Variants in INPP4B observed in about 807,000 individuals in gnomAD.
INPP4B encodes the protein inositol polyphosphate 4-phosphatase type II.
INPP4B carries 55 observed loss-of-function variants against 122.5 expected under a neutral mutation model. The observed-to-expected ratio is 0.45, with a 90% CI of 0.36 to 0.56. The LOEUF is 0.56. INPP4B is among the 20% of genes least tolerant of loss of function. The pLI, the probability that INPP4B is intolerant of heterozygous loss-of-function variation, is 0.00. For synonymous variants in INPP4B, 403 were observed against 388.7 expected, an observed-to-expected ratio of 1.04 and a Z score of -0.43; for missense variants, 1,000 against 1,097.7, an observed-to-expected ratio of 0.91 and a Z score of 1.26.
chr4:142,104,528 T>G (rs979017292), intron 23 of INPP4B, among the ~76,000 whole-genome samples: 7 of 152,168 alleles, frequency 4.6e-5, no homozygotes, highest in African/African-American at 1.2e-4. Context: ...AAGTAACTTC[T>G]GAAGATTTCT....
intron 2 of INPP4B, among the ~76,000 whole-genome samples, chr4:142,590,371 A>G (rs1262790615): frequency 6.6e-6 from 1 of 152,242 alleles, no homozygotes; most frequent in Non-Finnish European, 1.5e-5. Flanking sequence ...TGGTAGGACA[A>G]GGTATTGACC....
chr4:142,527,205 CCAT>C (rs1478370320), intron 2 of INPP4B, among the ~76,000 whole-genome samples: 4 of 150,760 alleles, frequency 2.7e-5, no homozygotes, highest in African/African-American at 9.7e-5. Context: ...TCTAAATTCC[CCAT>C]CATAAGTAAT....
At chr4:142,123,163 G>A in intron 20 of INPP4B, 129 bp downstream of exon 20, 2 of 742,296 alleles carry the variant, frequency 2.7e-6, no homozygotes, top group Non-Finnish European at 4.0e-6. Context: ...AAAACTGAAA[G>A]TTATATTATT....
At chr4:142,560,960 T>A (rs1309027390) in intron 2 of INPP4B, among the ~76,000 whole-genome samples, 1 of 152,218 alleles carries the variant, frequency 6.6e-6, no homozygotes, top group African/African-American at 2.4e-5. Context: ...GTTGATAAAA[T>A]CTTGACTGTC....
At chr4:142,404,836 A>G (rs1802813789) in intron 6 of INPP4B, among the ~76,000 whole-genome samples, 1 of 152,020 alleles carries the variant, frequency 6.6e-6, no homozygotes, top group Non-Finnish European at 1.5e-5. Flanking sequence ...ATTTATTTCA[A>G]TTTAAAGTCT....
chr4:142,452,258 G>C (rs1288732424), intron 3 of INPP4B, among the ~76,000 whole-genome samples: 1 of 152,134 alleles, frequency 6.6e-6, no homozygotes, highest in East Asian at 1.9e-4. Flanking sequence ...CCTTAATTGT[G>C]ATAACTCAAA....
rs201806495 is a variant in INPP4B at position 142,028,764 on chromosome 4, A to T, written c.*18T>A. 6.2e-6 allele frequency: 10 copies of T among 1,601,596 alleles called. No homozygotes were observed. The highest frequency in any genetic ancestry group is 8.5e-6 in the Non-Finnish European group (10 of 1,176,062). ...CTGAAATGTATTTGTGTTCCTGTTT[A>T]TTAACATGTTGGTAAACTTAGGTGT... On this transcript the variant is annotated 3_prime_UTR_variant, in exon 26 of 26. Transcript: ENST00000262992.
At chr4:142,409,408 G>C (rs749361618) in intron 5 of INPP4B, among the ~76,000 whole-genome samples, 1 of 152,054 alleles carries the variant, frequency 6.6e-6, no homozygotes, top group African/African-American at 2.4e-5. Flanking sequence ...TGGGAGAGTC[G>C]CTTGAACCCG....
Position 142,157,836 on chromosome 4 carries a change from C to T in INPP4B, c.1563+2522G>A, listed in dbSNP as rs376227998. On this transcript the variant is annotated intron_variant, in intron 17 of 25. Transcript: ENST00000262992. ...AGCTCAAGTACTCATTTCTTCGGTG[C>T]CTATTTGAAACCTTCACCACTCCCT... Among the ~76,000 whole-genome samples, 6 of 152,150 alleles carry T rather than the reference C, an allele frequency of 3.9e-5. No individual in the cohort carries two copies. The East Asian group carries it at 5.8e-4, about 15-fold the overall frequency.
chr4:142,743,891 A>G lies in INPP4B; in HGVS notation c.-253-17990T>C, dbSNP rs1448870091. 3.3e-5 allele frequency among the ~76,000 whole-genome samples: 5 copies of G among 152,032 alleles called. 1 individual carries two copies. The Admixed American group carries it at 3.3e-4, about 10-fold the overall frequency. ...TCTACTAAACGTTTTTACCATGTAT[A>G]ACTACTTATATTACCAGATTACTAG... On this transcript the variant is annotated intron_variant, in intron 1 of 25. Transcript: ENST00000262992.
intron 2 of INPP4B, among the ~76,000 whole-genome samples, chr4:142,603,731 CA>C (rs746684472): frequency 5.4e-4 from 82 of 151,866 alleles, no homozygotes; most frequent in Admixed American, 9.8e-4. Context: ...AAAAAGTCTC[CA>C]AAGAAAGAGA....
chr4:142,212,120 C>A (rs571365760), intron 12 of INPP4B, among the ~76,000 whole-genome samples: 1 of 152,210 alleles, frequency 6.6e-6, no homozygotes, highest in East Asian at 1.9e-4. Context: ...ACCCCGTGTA[C>A]AACTCAGATG....
intron 25 of INPP4B, among the ~76,000 whole-genome samples, chr4:142,073,796 C>A (rs1030803966): frequency 6.6e-6 from 1 of 152,026 alleles, no homozygotes; most frequent in African/African-American, 2.4e-5. Context: ...TAGGTTTTGG[C>A]ATAACTGCTC....
At chr4:142,477,313 T>C (rs1580165553) in intron 2 of INPP4B, among the ~76,000 whole-genome samples, 1 of 152,086 alleles carries the variant, frequency 6.6e-6, no homozygotes, top group Non-Finnish European at 1.5e-5. Flanking sequence ...AAGAGGGAAT[T>C]TGATAGTGCT....
intron 7 of INPP4B, among the ~76,000 whole-genome samples, chr4:142,361,549 G>C (rs1290391597): frequency 1.3e-5 from 2 of 151,800 alleles, no homozygotes; most frequent in Admixed American, 6.6e-5. Flanking sequence ...ATATGCTAAG[G>C]GCCTTCTTTC....
rs553508379 is a variant in INPP4B, at chr4:142,355,191, T to G, written c.373-40429A>C. Among the ~76,000 whole-genome samples, 31 of 152,158 alleles carry G rather than the reference T, an allele frequency of 2.0e-4. No homozygotes were observed. The Middle Eastern group carries it at 0.01, about 50-fold the overall frequency. Reference sequence around the variant, plus strand: ...AAGTTCAGAAGCCACATTATATCACTTCTGTTGCATTCTATCAAAGCAAGT... The same window carrying G: ...AAGTTCAGAAGCCACATTATATCACGTCTGTTGCATTCTATCAAAGCAAGT... On this transcript the variant is annotated intron_variant, in intron 7 of 25. Transcript: ENST00000262992.
intron 1 of INPP4B, among the ~76,000 whole-genome samples, chr4:142,822,299 A>C (rs551677586): frequency 6.6e-6 from 1 of 152,308 alleles, no homozygotes; most frequent in East Asian, 1.9e-4. Flanking sequence ...AGCTAAGATG[A>C]TCACTCCCAT....
chr4:142,648,901 T>C (rs748432732), intron 2 of INPP4B, among the ~76,000 whole-genome samples: 20 of 152,206 alleles, frequency 1.3e-4, no homozygotes, highest in Non-Finnish European at 2.5e-4. Flanking sequence ...CTCAAGTGGG[T>C]TCCTGACACC....
chr4:142,627,288 T>G (rs935352028), intron 2 of INPP4B, among the ~76,000 whole-genome samples: 2 of 151,172 alleles, frequency 1.3e-5, no homozygotes, highest in Admixed American at 1.3e-4. Flanking sequence ...TCCAACACTA[T>G]GTTGAATAGG....
Sources: allele counts gnomAD v4.1 joint callset (sites outside exome capture counted in the v4.1 genomes callset), GRCh38; gene constraint gnomAD v4.1.1; transcripts MANE v1.5; gene names NCBI Gene and HGNC (gene_info 2026-07-23, HGNC 2026-07-21).